The following SEC63 variants were observed in gnomAD, a reference collection of about 807,000 sequenced individuals.
The protein encoded by SEC63 is SEC63 protein translocation regulator, also known as translocation protein SEC63 homolog.
In SEC63, 56 loss-of-function variants were observed where a neutral mutation model predicts 116.2. The observed-to-expected ratio is 0.48, with a 90% CI of 0.39 to 0.60. SEC63 has a LOEUF of 0.60. Ranked by LOEUF, SEC63 falls within the 20% of genes least tolerant of loss-of-function variation. The pLI, the probability that SEC63 is intolerant of heterozygous loss-of-function variation, is 0.00. For synonymous variants in SEC63, 273 were observed against 294.6 expected, an observed-to-expected ratio of 0.93 and a Z score of 0.75; for missense variants, 668 against 900.0, an observed-to-expected ratio of 0.74 and a Z score of 3.30.
intron 1 of SEC63, among the ~76,000 whole-genome samples, chr6:107,949,558 T>C (rs897007894): frequency 5.3e-5 from 8 of 151,930 alleles, no homozygotes; most frequent in Admixed American, 4.6e-4. Context: ...AACAAAAAAA[T>C]AGTAATGCAG....
At chr6:107,957,766 G>A (rs1770739957) in intron 1 of SEC63, 120 bp downstream of exon 1, 2 of 1,116,770 alleles carry the variant, frequency 1.8e-6, no homozygotes, top group Non-Finnish European at 2.3e-6. Flanking sequence ...CACAGGCCGG[G>A]CCGCACCGTC....
chr6:107,926,221 A>G (rs1482508304), intron 2 of SEC63, among the ~76,000 whole-genome samples: 1 of 152,244 alleles, frequency 6.6e-6, no homozygotes, highest in East Asian at 1.9e-4. Flanking sequence ...CTATGTATAT[A>G]AAAGTTTTAT....
intron 20 of SEC63, among the ~76,000 whole-genome samples, chr6:107,872,153 T>C (rs1301838904): frequency 6.6e-6 from 1 of 152,220 alleles, no homozygotes; most frequent in African/African-American, 2.4e-5. Flanking sequence ...GCAAGAACAC[T>C]GAGTCATATC....
At chr6:107,957,801 T>C in intron 1 of SEC63, 85 bp downstream of exon 1, 1 of 1,332,124 alleles carries the variant, frequency 7.5e-7, no homozygotes, top group Non-Finnish European at 9.6e-7. Context: ...CGCCGCGGGC[T>C]GGGGCCGGGC....
At chr6:107,891,518 C>A (rs1443812262) in intron 16 of SEC63, among the ~76,000 whole-genome samples, 1 of 152,002 alleles carries the variant, frequency 6.6e-6, no homozygotes, top group Non-Finnish European at 1.5e-5. Context: ...GCTCCTTTAG[C>A]TTGGAGGAGT....
chr6:107,902,263 A>G (rs867313646), intron 12 of SEC63, among the ~76,000 whole-genome samples: 1 of 152,120 alleles, frequency 6.6e-6, no homozygotes, highest in African/African-American at 2.4e-5. Context: ...TTAATTCTAC[A>G]TTAATATACT....
At chr6:107,901,887 A>C (rs972473904) in intron 12 of SEC63, among the ~76,000 whole-genome samples, 13 of 152,170 alleles carry the variant, frequency 8.5e-5, no homozygotes, top group Admixed American at 5.9e-4. Flanking sequence ...TACTATTAAC[A>C]AACCTTTAAT....
At chr6:107,889,876 T>A (rs1028147617) in intron 16 of SEC63, among the ~76,000 whole-genome samples, 2 of 152,214 alleles carry the variant, frequency 1.3e-5, no homozygotes, top group Admixed American at 6.5e-5. Flanking sequence ...TCAGTTTCCA[T>A]GTAGTTGTGC....
chr6:107,920,316 T>C (rs1481681116), intron 4 of SEC63, among the ~76,000 whole-genome samples: 1 of 149,452 alleles, frequency 6.7e-6, no homozygotes, highest in African/African-American at 2.5e-5. Flanking sequence ...GTCCCAGCTA[T>C]TCGGGAGACT....
intron 1 of SEC63, among the ~76,000 whole-genome samples, chr6:107,931,632 C>T (rs1056541617): frequency 1.3e-5 from 2 of 151,484 alleles, no homozygotes; most frequent in African/African-American, 4.9e-5. Flanking sequence ...GCCTGTAGTC[C>T]CAGCTACTCG....
intron 1 of SEC63, among the ~76,000 whole-genome samples, chr6:107,940,549 C>CA (rs572640436): frequency 2.2e-4 from 34 of 151,484 alleles, no homozygotes; most frequent in Admixed American, 1.6e-3. Context: ...CAGTGGAGAC[C>CA]AAAAAAAATC....
At chr6:107,951,468 T>A (rs977536102) in intron 1 of SEC63, among the ~76,000 whole-genome samples, 1 of 152,204 alleles carries the variant, frequency 6.6e-6, no homozygotes, top group Non-Finnish European at 1.5e-5. Flanking sequence ...GATTTTGTTG[T>A]TGTTGTTAGC....
At chr6:107,926,253 AT>A (rs1320513685) in intron 2 of SEC63, among the ~76,000 whole-genome samples, 1 of 152,226 alleles carries the variant, frequency 6.6e-6, no homozygotes, top group Non-Finnish European at 1.5e-5. Flanking sequence ...GCATAAAGTA[AT>A]TATCTTAATA....
intron 16 of SEC63, among the ~76,000 whole-genome samples, chr6:107,893,026 T>A (rs144090111): frequency 2.0e-3 from 302 of 152,018 alleles, no homozygotes; most frequent in African/African-American, 6.9e-3. Flanking sequence ...TTATTCATAT[T>A]AGGTTAAGAA....
chr6:107,924,782 T>C (rs1010180513), intron 3 of SEC63, 36 bp downstream of exon 3: 7 of 969,732 alleles, frequency 7.2e-6, no homozygotes, highest in South Asian at 2.6e-5. Context: ...CATGGGACCA[T>C]TAAACTAATA....
At chr6:107,885,627 T>G (rs1786510026) in intron 16 of SEC63, among the ~76,000 whole-genome samples, 1 of 152,200 alleles carries the variant, frequency 6.6e-6, no homozygotes, top group African/African-American at 2.4e-5. Flanking sequence ...AGCAGCTTTT[T>G]GGGGGGAAAA....
Position 107,877,109 on chromosome 6 carries a change from ATGTG to A in SEC63, c.1936-451_1936-448del, listed in dbSNP as rs561957091. On this transcript the variant is annotated intron_variant, in intron 18 of 20. Transcript: ENST00000369002. ...TATACACATATATACATATACATAT[ATGTG>A]TGTGTGTATATATATATTTTAGAAG... 3.9e-3 allele frequency: 616 copies of A among 157,502 alleles called. 3 individuals are homozygous for A. The highest frequency in any genetic ancestry group is 0.014 in the African/African-American group (575 of 41,314). The allele number at this position is 157,502 out of a possible 1,614,324, so 9.8% of individuals were successfully genotyped here.
chr6:107,951,071 C>T (rs1770569798), intron 1 of SEC63, among the ~76,000 whole-genome samples: 1 of 152,042 alleles, frequency 6.6e-6, no homozygotes, highest in South Asian at 2.1e-4. Flanking sequence ...ATTGAAATTC[C>T]ACATAAACAT....
At chr6:107,891,029 A>T (rs1367538904) in intron 16 of SEC63, among the ~76,000 whole-genome samples, 1 of 152,126 alleles carries the variant, frequency 6.6e-6, no homozygotes, top group Non-Finnish European at 1.5e-5. Context: ...GCCTTGGTGA[A>T]TCTGACGGTT....
Sources: allele counts gnomAD v4.1 joint callset (sites outside exome capture counted in the v4.1 genomes callset), GRCh38; gene constraint gnomAD v4.1.1; transcripts MANE v1.5; gene names NCBI Gene and HGNC (gene_info 2026-07-23, HGNC 2026-07-21).